The following NCKAP5 variants were observed in gnomAD, a reference collection of about 807,000 sequenced individuals.
NCKAP5 encodes NCK associated protein 5, also known as nck-associated protein 5.
A neutral mutation model predicts 167.0 loss-of-function variants in NCKAP5; 92 were observed. The observed-to-expected ratio is 0.55, with a 90% CI of 0.47 to 0.66. The LOEUF (loss-of-function observed/expected upper bound fraction) is 0.66, where lower values mean the gene tolerates loss of function less well. NCKAP5 is among the 30% of genes least tolerant of loss of function. NCKAP5 has a pLI of 0.00. For missense variants in NCKAP5, 2,378 were observed against 2,315.0 expected (o/e 1.03, Z -0.56); for synonymous variants, 891 against 877.4 (o/e 1.02, Z -0.27).
At chr2:132,868,866 G>T in intron 10 of NCKAP5, 70 bp downstream of exon 10, 1 of 1,165,548 alleles carries the variant, frequency 8.6e-7, no homozygotes, top group South Asian at 1.7e-5. Context: ...CAATTTCCTA[G>T]CTTAACAACA....
At chr2:133,502,809 G>A (rs371927855) in intron 3 of NCKAP5, among the ~76,000 whole-genome samples, 5 of 152,322 alleles carry the variant, frequency 3.3e-5, no homozygotes, top group East Asian at 1.9e-4. Flanking sequence ...GAAATGAGGC[G>A]TTCAATGAAC....
At chr2:133,275,430 C>T (rs1344807321) in intron 4 of NCKAP5, among the ~76,000 whole-genome samples, 1 of 151,938 alleles carries the variant, frequency 6.6e-6, no homozygotes, top group Non-Finnish European at 1.5e-5. Context: ...GGAACTCGCA[C>T]GAAATCCATT....
chr2:132,992,767 A>G (rs1021044778), intron 7 of NCKAP5, among the ~76,000 whole-genome samples: 1 of 152,158 alleles, frequency 6.6e-6, no homozygotes. Context: ...AGAAGAATCT[A>G]AGCCCTTTCC....
At chr2:132,842,139 G>A (rs1191907121) in intron 11 of NCKAP5, among the ~76,000 whole-genome samples, 3 of 152,068 alleles carry the variant, frequency 2.0e-5, no homozygotes, top group African/African-American at 4.8e-5. Flanking sequence ...GTCTTTAATT[G>A]TCTTTCCAAT....
chr2:133,313,301 T>C (rs1159561528), intron 3 of NCKAP5, among the ~76,000 whole-genome samples: 1 of 152,206 alleles, frequency 6.6e-6, no homozygotes, highest in East Asian at 1.9e-4. Context: ...TTGGCTTTGG[T>C]TCCACTTTGA....
At chr2:133,266,961 G>T (rs917786472) in intron 4 of NCKAP5, among the ~76,000 whole-genome samples, 1 of 140,566 alleles carries the variant, frequency 7.1e-6, no homozygotes, top group African/African-American at 2.6e-5. Flanking sequence ...CCTCCCCTCC[G>T]CCGGGCCCCC....
Position 132,782,358 on chromosome 2 carries a change from C to T in NCKAP5, c.4453G>A (p.Glu1485Lys), listed in dbSNP as rs199603957. ...KVMLCIQENVEKGQVQTKPTS... is the reference protein window; with the variant it reads ...KVMLCIQENVKKGQVQTKPTS... Reference sequence around the variant, plus strand: ...GGCTTTGTTTGCACTTGGCCCTTTTCCACATTTTCCTGAATGCACAACATG... The same window carrying T: ...GGCTTTGTTTGCACTTGGCCCTTTTTCACATTTTCCTGAATGCACAACATG... Residue 1485 changes from glutamate to lysine, a missense_variant, in exon 14 of 20, where the codon GAA becomes AAA. Physicochemically the swap from Glu to Lys is moderately conservative, Grantham distance 56 (BLOSUM62 1). This residue lies in a region of NCKAP5 where 1,325 missense variants were observed against 1,274.5 expected (regional missense o/e 1.04). Coordinates refer to ENST00000409261, the MANE Select transcript of NCKAP5 (RefSeq NM_207363.3). The T allele has an allele frequency of 7.2e-5, 116 of 1,614,038 alleles. No individual in the cohort carries two copies. The East Asian group carries it at 2.6e-3, about 36-fold the overall frequency.
intron 5 of NCKAP5, among the ~76,000 whole-genome samples, chr2:133,135,255 T>C (rs2082748287): frequency 6.6e-6 from 1 of 152,134 alleles, no homozygotes; most frequent in African/African-American, 2.4e-5. Flanking sequence ...GATGACCAGG[T>C]GCTACCAGGC....
intron 3 of NCKAP5, among the ~76,000 whole-genome samples, chr2:133,441,893 G>A (rs529904839): frequency 3.9e-4 from 59 of 151,956 alleles, no homozygotes; most frequent in Non-Finnish European, 8.1e-4. Context: ...TATCAGTTTC[G>A]CTCTTTCAGT....
Position 132,782,917 on chromosome 2 carries a change from G to A in NCKAP5, c.3894C>T (p.Arg1298=). ...TPPIEGSGKV[R]TQIITNTAER... The stretch of plus-strand genomic sequence containing the variant: ...CGGCGGTATTGGTAATGATCTGAGT[G>A]CGGACTTTGCCTGACCCTTCGATGG... The change falls in exon 14 of 20, where the codon CGC becomes CGT. Residue 1298 remains arginine, a synonymous_variant. Coordinates refer to ENST00000409261, the MANE Select transcript of NCKAP5 (RefSeq NM_207363.3). 6.2e-7 allele frequency: 1 copy of A among 1,614,004 alleles called. No individual in the cohort carries two copies.
chr2:132,860,500 G>T lies in NCKAP5; in HGVS notation c.799C>A (p.Leu267Ile), dbSNP rs777784115. 1.6e-5 allele frequency: 25 copies of T among 1,573,478 alleles called. No individual in the cohort carries two copies. Among genetic ancestry groups the T allele is most frequent in the Middle Eastern group, 1.7e-4 (1 of 6,006 alleles). ...TCCAGATAAACACATACCTGGAGGA[G>T]CAGATCAGAAGTGGGTCTGACTCGC... ...QQRVRPTSDL[L>I]LQKLHSRLLD... Residue 267 changes from leucine to isoleucine, a missense_variant, in exon 11 of 20, where the codon CTC becomes ATC. By Grantham distance (5) the Leu-to-Ile change is conservative (BLOSUM62 2). Around this residue, in one of 3 missense-constraint regions of NCKAP5, gnomAD observed 1,049 missense variants for 1,023.4 expected, o/e 1.02. Transcript: ENST00000409261.
chr2:132,896,088 T>C (rs1693179984), intron 8 of NCKAP5, among the ~76,000 whole-genome samples: 1 of 152,150 alleles, frequency 6.6e-6, no homozygotes, highest in South Asian at 2.1e-4. Flanking sequence ...TGAGCCAAGA[T>C]CACGCCACTG....
intron 7 of NCKAP5, among the ~76,000 whole-genome samples, chr2:132,965,163 C>T (rs2149212508): frequency 6.6e-6 from 1 of 152,198 alleles, no homozygotes; most frequent in South Asian, 2.1e-4. Flanking sequence ...TATATAAATG[C>T]ATAGTTGATT....
intron 4 of NCKAP5, among the ~76,000 whole-genome samples, chr2:133,266,929 A>C (rs887912998): frequency 2.7e-5 from 4 of 147,442 alleles, no homozygotes; most frequent in South Asian, 2.2e-4. Context: ...ATCGATTCCC[A>C]CCCCCTACCC....
In NCKAP5 at chr2:133,517,600, A is replaced by G; in HGVS notation, c.-61-13T>C. ...GTTTCCAGGGTCACTGAAAAGAGTGAACATGTGTTTTACTATCCAAGTACA... is the reference window on the plus strand; with the variant it reads ...GTTTCCAGGGTCACTGAAAAGAGTGGACATGTGTTTTACTATCCAAGTACA... On this transcript the variant is annotated splice_polypyrimidine_tract_variant and intron_variant, in intron 2 of 19. Transcript: ENST00000409261. The G allele has an allele frequency of 1.0e-6, 1 of 986,498 alleles. No homozygotes were observed. The highest frequency in any genetic ancestry group is 1.5e-6 in the Non-Finnish European group (1 of 682,660). 61.1% of individuals were successfully genotyped at this position (986,498 alleles called of 1,614,324 possible).
intron 1 of NCKAP5, among the ~76,000 whole-genome samples, chr2:133,567,657 CTGTGTGTGTGTGTGTGTGTGTGTGTG>C (rs3050985): frequency 6.1e-5 from 8 of 130,900 alleles, no homozygotes; most frequent in Non-Finnish European, 1.2e-4. Flanking sequence ...ATGAATGAGC[CTGTGTGTGTGTGTGTGTGTGTGTGTG>C]TGTGTGTGTG....
chr2:132,782,574 T>G lies in NCKAP5; in HGVS notation c.4237A>C (p.Ser1413Arg), dbSNP rs1162591290. The G allele has an allele frequency of 1.3e-6, 2 of 1,583,362 alleles. No individual in the cohort carries two copies. Residue 1413 changes from serine (S) to arginine (R), a missense_variant, in exon 14 of 20, where the codon AGT becomes CGT. Physicochemically the swap from Ser to Arg is moderately radical, Grantham distance 110 (BLOSUM62 -1). This residue lies in a region of NCKAP5 where 1,325 missense variants were observed against 1,274.5 expected (regional missense o/e 1.04). Transcript: ENST00000409261. The part of the protein sequence containing the change: ...VLGEPGSDRR[S>R]CPPTPTDCPE... ...CAGTCTGTTGGGGTGGGTGGGCAAC[T>G]GCGGCGGTCACTGCCTGGTTCCCCA...
rs57024269 is a variant in NCKAP5 at position 132,988,460 on chromosome 2, CAAA to C, written c.429+5689_429+5691del. Among the ~76,000 whole-genome samples, 510 of 70,590 alleles carry C rather than the reference CAAA, an allele frequency of 7.2e-3. 2 individuals are homozygous for C. The highest frequency in any genetic ancestry group is 0.01 in the African/African-American group (202 of 19,924). 46.3% of individuals were successfully genotyped at this position (70,590 alleles called of 152,430 possible). A position where few individuals can be genotyped will look rare whatever the true frequency, so the allele number is the denominator to read the frequency against. Reference sequence around the variant, plus strand: ...GTGGCTACAGAGCAAGACTTTGCCTCAAAAAAAAAAAAAAAAAAAAAAAGCCAT... The same window carrying C: ...GTGGCTACAGAGCAAGACTTTGCCTCAAAAAAAAAAAAAAAAAAAAGCCAT... On this transcript the variant is annotated intron_variant, in intron 7 of 19. Transcript: ENST00000409261.
intron 3 of NCKAP5, among the ~76,000 whole-genome samples, chr2:133,356,711 C>T (rs1220966241): frequency 6.6e-6 from 1 of 152,206 alleles, no homozygotes; most frequent in Non-Finnish European, 1.5e-5. Flanking sequence ...AGAAGAAAGT[C>T]ATTCACTCAG....
Sources: allele counts gnomAD v4.1 joint callset (sites outside exome capture counted in the v4.1 genomes callset), GRCh38; gene constraint gnomAD v4.1.1; regional missense constraint gnomAD v4.1.1; transcripts MANE v1.5; gene names NCBI Gene and HGNC (gene_info 2026-07-23, HGNC 2026-07-21).